The following MVB12B variants were observed in gnomAD, a reference collection of about 807,000 sequenced individuals.
MVB12B encodes ESCRT-I complex subunit MVB12B.
MVB12B carries 16 observed loss-of-function variants against 41.6 expected under a neutral mutation model. The ratio of observed to expected loss-of-function variants is 0.38; its 90% CI spans 0.26 to 0.58. MVB12B has a LOEUF of 0.58. Among genes scored for constraint, MVB12B ranks in the 20% least tolerant of loss-of-function variants. The pLI is 0.62. For synonymous variants in MVB12B, 133 were observed against 139.7 expected (o/e 0.95, Z 0.34); for missense variants, 274 against 380.2 (o/e 0.72, Z 2.32).
chr9:126,455,870 G>A (rs1270738099), intron 7 of MVB12B, among the ~76,000 whole-genome samples: 2 of 145,534 alleles, frequency 1.4e-5, no homozygotes, highest in Non-Finnish European at 3.0e-5. Flanking sequence ...TTGATAGGTC[G>A]TTTTCTTTCT....
At chr9:126,455,599 C>A (rs1832965435) in intron 7 of MVB12B, among the ~76,000 whole-genome samples, 1 of 152,138 alleles carries the variant, frequency 6.6e-6, no homozygotes, top group South Asian at 2.1e-4. Context: ...ATCCTCCCAC[C>A]CCAGCCTCCT....
Position 126,395,019 on chromosome 9 carries a change from G to T in MVB12B, c.540-556G>T, listed in dbSNP as rs1468814443. On this transcript the variant is annotated intron_variant, in intron 5 of 9. Coordinates refer to ENST00000361171, the MANE Select transcript of MVB12B (RefSeq NM_033446.3). This position sits in a 1 kb window ranked among gnomAD's most constrained non-coding sequence, Gnocchi z 4.9. ...TATGCGGCGTCTGGGAGGCCCCTTG[G>T]TGTCCACTCCTAGTTGTGTGGTTCA... Among the ~76,000 whole-genome samples the T allele has an allele frequency of 6.6e-6, 1 of 152,114 alleles. No homozygotes were observed. The highest frequency in any genetic ancestry group is 6.5e-5 in the Admixed American group (1 of 15,278).
Position 126,392,161 on chromosome 9 carries a change from A to G in MVB12B, c.505A>G (p.Thr169Ala), listed in dbSNP as rs748298929. The change falls in exon 5 of 10, where the codon ACC (threonine) becomes GCC (alanine). Residue 169 changes from threonine (T) to alanine (A), a missense_variant. Physicochemically the swap from Thr to Ala is moderately conservative, Grantham distance 58. Transcript: ENST00000361171. The surrounding 1 kb of genome is among the most constrained non-coding windows in gnomAD (Gnocchi z 4.8). ...AICDIRIMGR[T>A]KQAPPQYTFI... ...TTGTGACATTCGGATCATGGGCCGG[A>G]CCAAGCAGGCCCCGCCTCAGTACAC... 5 of 1,614,058 alleles carry G rather than the reference A, an allele frequency of 3.1e-6. No individual in the cohort carries two copies.
chr9:126,413,882 T>TGCCTCTGACTATGAGTGC (rs1244379312), intron 6 of MVB12B, among the ~76,000 whole-genome samples: 82 of 147,596 alleles, frequency 5.6e-4, no homozygotes, highest in African/African-American at 2.0e-3. Flanking sequence ...AAGTGGCAGG[T>TGCCTCTGACTATGAGTGC]GCCTCTGACT....
chr9:126,378,719 A>G (rs1036631365), intron 2 of MVB12B, among the ~76,000 whole-genome samples: 2 of 152,086 alleles, frequency 1.3e-5, no homozygotes, highest in African/African-American at 4.8e-5. Context: ...ACGTCATTGC[A>G]AATGAGTTTG....
chr9:126,389,607 T>A lies in MVB12B; in HGVS notation c.410-2459T>A, dbSNP rs1452024549. 6.6e-6 allele frequency among the ~76,000 whole-genome samples: 1 copy of A among 152,222 alleles called. No individual in the cohort carries two copies. Among genetic ancestry groups the A allele is most frequent in the Non-Finnish European group, 1.5e-5 (1 of 68,028 alleles). On this transcript the variant is annotated intron_variant, in intron 4 of 9. Transcript: ENST00000361171. The surrounding 1 kb of genome is among the most constrained non-coding windows in gnomAD (Gnocchi z 4.4). ...CGGAAGAATGGAGCCAAGAGCAGCG[T>A]GGCAACAGCAAGTGAAACACCCGGC...
At chr9:126,484,433 G>A (rs1004134425) in intron 9 of MVB12B, among the ~76,000 whole-genome samples, 5 of 152,154 alleles carry the variant, frequency 3.3e-5, no homozygotes, top group Admixed American at 6.5e-5. Context: ...ATGACCAAGC[G>A]TCTCCACAAT....
intron 4 of MVB12B, among the ~76,000 whole-genome samples, chr9:126,387,732 T>A (rs1188096003): frequency 1.3e-5 from 2 of 152,254 alleles, no homozygotes; most frequent in Non-Finnish European, 2.9e-5. Context: ...TGTTCACCCC[T>A]GTGATAAATG....
At chr9:126,330,207 C>T (rs1337435786) in intron 1 of MVB12B, among the ~76,000 whole-genome samples, 1 of 152,044 alleles carries the variant, frequency 6.6e-6, no homozygotes, top group African/African-American at 2.4e-5. Context: ...CCAGGGGTTG[C>T]ACATAGTAGC....
chr9:126,495,419 T>C (rs973487197), intron 9 of MVB12B, among the ~76,000 whole-genome samples: 11 of 152,236 alleles, frequency 7.2e-5, no homozygotes, highest in African/African-American at 2.4e-4. Context: ...CACCACAAAA[T>C]GTGCTTTCTC....
chr9:126,452,174 C>T (rs749017883), intron 7 of MVB12B, among the ~76,000 whole-genome samples: 12 of 152,228 alleles, frequency 7.9e-5, no homozygotes, highest in Non-Finnish European at 1.8e-4. Context: ...CGTGTGCTCA[C>T]GTGCAGGCAC....
intron 7 of MVB12B, among the ~76,000 whole-genome samples, chr9:126,466,144 A>G (rs1334210388): frequency 6.6e-6 from 1 of 152,184 alleles, no homozygotes; most frequent in Non-Finnish European, 1.5e-5. Flanking sequence ...TCAGTGGGTG[A>G]TTATGCTGGT....
chr9:126,499,304 T>C (rs888865517), intron 9 of MVB12B, among the ~76,000 whole-genome samples: 1 of 151,852 alleles, frequency 6.6e-6, no homozygotes, highest in African/African-American at 2.4e-5. Flanking sequence ...TACATCTCTT[T>C]CCCGAGAGAG....
intron 7 of MVB12B, among the ~76,000 whole-genome samples, chr9:126,428,324 TG>T (rs1832237593): frequency 6.6e-6 from 1 of 152,228 alleles, no homozygotes. Context: ...ATGAAATTCA[TG>T]ATTTATATAT....
At chr9:126,381,234 A>G in intron 3 of MVB12B, 63 bp downstream of exon 3, 1 of 1,169,038 alleles carries the variant, frequency 8.6e-7, no homozygotes, top group South Asian at 1.3e-5. Flanking sequence ...CCTGTTTGGA[A>G]TTTCCTCATT....
At chr9:126,465,682 G>T (rs1325835861) in intron 7 of MVB12B, among the ~76,000 whole-genome samples, 2 of 128,224 alleles carry the variant, frequency 1.6e-5, no homozygotes, top group Admixed American at 8.4e-5. Context: ...GGCGGGGGGT[G>T]GGGGGAGCAC....
intron 7 of MVB12B, among the ~76,000 whole-genome samples, chr9:126,449,031 C>G (rs903861027): frequency 6.6e-6 from 1 of 152,356 alleles, no homozygotes; most frequent in Admixed American, 6.5e-5. Context: ...GTTTTAGAGA[C>G]TGGCTGCCTC....
intron 2 of MVB12B, among the ~76,000 whole-genome samples, chr9:126,361,908 T>TG (rs1178563109): frequency 1.5e-5 from 2 of 130,994 alleles, no homozygotes; most frequent in African/African-American, 5.8e-5. Flanking sequence ...AGTGAAACTC[T>TG]GGAAAAAAAA....
chr9:126,380,821 A>T (rs1364665675), intron 2 of MVB12B, among the ~76,000 whole-genome samples: 1 of 152,156 alleles, frequency 6.6e-6, no homozygotes, highest in African/African-American at 2.4e-5. Flanking sequence ...TTCTCATTAG[A>T]ATCATTTTTG....
Sources: allele counts gnomAD v4.1 joint callset (sites outside exome capture counted in the v4.1 genomes callset), GRCh38; gene constraint gnomAD v4.1.1; non-coding constraint Gnocchi (gnomAD v3.1); transcripts MANE v1.5; gene names NCBI Gene and HGNC (gene_info 2026-07-23, HGNC 2026-07-21).